Variants in DENND4C observed in about 807,000 individuals in gnomAD.
DENND4C encodes the protein DENN domain-containing protein 4C.
DENND4C carries 108 observed loss-of-function variants against 203.0 expected under a neutral mutation model. The observed-to-expected ratio is 0.53, with a 90% confidence interval of 0.46 to 0.62. The LOEUF (loss-of-function observed/expected upper bound fraction) is 0.62. Ranked by LOEUF, DENND4C falls within the 20% of genes least tolerant of loss-of-function variation. DENND4C has a pLI of 0.00. For synonymous variants in DENND4C, 871 were observed against 792.4 expected (o/e 1.10, Z -1.67); for missense variants, 2,481 against 2,301.2 (o/e 1.08, Z -1.60).
chr9:19,258,782 G>A (rs1354558056), intron 1 of DENND4C, among the ~76,000 whole-genome samples: 2 of 152,026 alleles, frequency 1.3e-5, no homozygotes, highest in Admixed American at 6.6e-5. Flanking sequence ...AGCCTCCAGA[G>A]TAGCTGGGAC....
In DENND4C at chr9:19,286,882, T is replaced by C; in HGVS notation, c.419T>C (p.Phe140Ser). 8.1e-7 allele frequency: 1 copy of C among 1,232,146 alleles called. No individual in the cohort carries two copies. 76.3% of individuals were successfully genotyped at this position (1,232,146 alleles called of 1,614,324 possible). The change falls in exon 3 of 33, where the codon TTT becomes TCT. Residue 140 changes from phenylalanine (F) to serine (S), a missense_variant. Around this residue, in one of 3 missense-constraint regions of DENND4C, gnomAD observed 187 missense variants for 167.4 expected, o/e 1.12. Coordinates refer to ENST00000434457, the MANE Select transcript of DENND4C (RefSeq NM_001330640.2). ...AGTTCAACTACTTCACAAAGAATCT[T>C]TATCACTTATCGAAGGGCTCCTCCA... ...NNSSTTSQRI[F>S]ITYRRAPPVR...
intron 5 of DENND4C, among the ~76,000 whole-genome samples, chr9:19,291,786 T>C (rs1384477997): frequency 6.6e-6 from 1 of 151,466 alleles, no homozygotes; most frequent in Non-Finnish European, 1.5e-5. Flanking sequence ...ACCTTAAATG[T>C]GGTACATACA....
At chr9:19,259,007 A>G (rs1200604794) in intron 1 of DENND4C, among the ~76,000 whole-genome samples, 2 of 152,172 alleles carry the variant, frequency 1.3e-5, no homozygotes, top group Non-Finnish European at 2.9e-5. Context: ...TATGGGATAC[A>G]TGAGATATTT....
At position 19,325,935 on chromosome 9, in the gene DENND4C, C is replaced by A. The variant is rs767972206; in HGVS notation, c.1954-4C>A. 5.6e-6 allele frequency: 9 copies of A among 1,596,802 alleles called. No individual in the cohort carries two copies. Among genetic ancestry groups the A allele is most frequent in the Admixed American group, 1.8e-5 (1 of 56,610 alleles). The stretch of plus-strand genomic sequence containing the variant: ...CATTAAGAATCTGTTTTCTTTTTTT[C>A]TAGTTGTTTCCTGATAAAGGCACAG... On this transcript the variant is annotated splice_polypyrimidine_tract_variant and splice_region_variant and intron_variant, in intron 13 of 32. Transcript: ENST00000434457.
Position 19,325,920 on chromosome 9 carries a change from C to A in DENND4C, c.1954-19C>A. ...CATAGTGGACATTTTCATTAAGAAT[C>A]TGTTTTCTTTTTTTCTAGTTGTTTC... is the stretch of plus-strand genomic sequence containing the variant. On this transcript the variant is annotated intron_variant, in intron 13 of 32. Coordinates refer to ENST00000434457, the MANE Select transcript of DENND4C (RefSeq NM_001330640.2). The A allele has an allele frequency of 6.3e-7, 1 of 1,590,906 alleles. No homozygotes were observed. The highest frequency in any genetic ancestry group is 8.6e-7 in the Non-Finnish European group (1 of 1,167,932).
intron 8 of DENND4C, among the ~76,000 whole-genome samples, chr9:19,299,893 C>T (rs1317472419): frequency 6.6e-6 from 1 of 152,154 alleles, no homozygotes; most frequent in Non-Finnish European, 1.5e-5. Flanking sequence ...GCCCCAGGGC[C>T]CTTGCATATA....
intron 2 of DENND4C, among the ~76,000 whole-genome samples, chr9:19,277,821 G>T (rs930425959): frequency 1.3e-5 from 2 of 152,116 alleles, no homozygotes; most frequent in Admixed American, 1.3e-4. Context: ...TCATGTTGAG[G>T]AAATGTTCTT....
chr9:19,260,906 T>C (rs975879380), intron 1 of DENND4C, among the ~76,000 whole-genome samples: 5 of 152,166 alleles, frequency 3.3e-5, no homozygotes, highest in African/African-American at 1.2e-4. Context: ...AGTGAGACCC[T>C]GTCTCAAAAA....
chr9:19,259,000 G>C (rs1828685303), intron 1 of DENND4C, among the ~76,000 whole-genome samples: 1 of 152,044 alleles, frequency 6.6e-6, no homozygotes, highest in South Asian at 2.1e-4. Context: ...ATATATTTAT[G>C]GGATACATGA....
chr9:19,315,052 C>A (rs1841530490), intron 10 of DENND4C, among the ~76,000 whole-genome samples: 1 of 150,284 alleles, frequency 6.7e-6, no homozygotes, highest in Admixed American at 6.7e-5. Flanking sequence ...CCCAGCTACT[C>A]AGGAGGCTGA....
At chr9:19,275,898 C>T (rs776341128) in intron 1 of DENND4C, among the ~76,000 whole-genome samples, 1 of 152,132 alleles carries the variant, frequency 6.6e-6, no homozygotes, top group Non-Finnish European at 1.5e-5. Context: ...TGAGCCATCG[C>T]GCCCGGCCCC....
intron 1 of DENND4C, among the ~76,000 whole-genome samples, chr9:19,268,800 T>A (rs1394524807): frequency 5.3e-5 from 8 of 152,176 alleles, no homozygotes; most frequent in Admixed American, 5.2e-4. Flanking sequence ...AGAAGTGTGC[T>A]GCCAGACACA....
At chr9:19,334,612 A>G (rs1820021835) in intron 17 of DENND4C, among the ~76,000 whole-genome samples, 2 of 142,322 alleles carry the variant, frequency 1.4e-5, no homozygotes, top group Admixed American at 1.5e-4. Flanking sequence ...TACAACCTCT[A>G]CCTCCTGGCT....
intron 2 of DENND4C, among the ~76,000 whole-genome samples, chr9:19,285,484 C>G (rs1835009276): frequency 6.6e-6 from 1 of 152,020 alleles, no homozygotes; most frequent in Non-Finnish European, 1.5e-5. Flanking sequence ...ACCTTCTACC[C>G]CTAGGTAACT....
chr9:19,333,085 G>A (rs1342334105), intron 17 of DENND4C, among the ~76,000 whole-genome samples: 2 of 151,832 alleles, frequency 1.3e-5, no homozygotes, highest in Non-Finnish European at 1.5e-5. Flanking sequence ...CACTGTCACA[G>A]CTCACTGTAG....
chr9:19,262,076 C>CTTT (rs60223074), intron 1 of DENND4C, among the ~76,000 whole-genome samples: 11 of 55,524 alleles, frequency 2.0e-4, no homozygotes, highest in Non-Finnish European at 3.1e-4. Flanking sequence ...TTTATTAGTT[C>CTTT]TTTTTTTTTT....
intron 16 of DENND4C, among the ~76,000 whole-genome samples, chr9:19,328,681 ATCTATCTATCTATCTG>A (rs1241679128): frequency 7.0e-6 from 1 of 142,626 alleles, no homozygotes; most frequent in African/African-American, 2.7e-5. Flanking sequence ...CTATCTATCT[ATCTATCTATCTATCTG>A]TCTATCTATC....
intron 1 of DENND4C, among the ~76,000 whole-genome samples, chr9:19,237,961 T>C (rs1419683685): frequency 1.3e-5 from 2 of 152,154 alleles, no homozygotes; most frequent in East Asian, 3.8e-4. Flanking sequence ...TCTAACAGCT[T>C]AAATTTATTT....
chr9:19,287,235 G>A (rs1835372623), intron 3 of DENND4C, among the ~76,000 whole-genome samples: 1 of 152,130 alleles, frequency 6.6e-6, no homozygotes, highest in Non-Finnish European at 1.5e-5. Context: ...TTTTGAGGGA[G>A]TAAATCCTAA....
Sources: allele counts gnomAD v4.1 joint callset (sites outside exome capture counted in the v4.1 genomes callset), GRCh38; gene constraint gnomAD v4.1.1; regional missense constraint gnomAD v4.1.1; transcripts MANE v1.5; gene names NCBI Gene and HGNC (gene_info 2026-07-23, HGNC 2026-07-21).